ADAM32: variants seen among roughly 807,000 people sequenced by gnomAD.
ADAM32 encodes the protein ADAM metallopeptidase domain 32.
In ADAM32, 89 loss-of-function variants were observed where a neutral mutation model predicts 114.9. That is an observed-to-expected ratio of 0.77 (90% CI 0.65 to 0.92). The LOEUF (loss-of-function observed/expected upper bound fraction) is 0.92. ADAM32 is among the 40% of genes least tolerant of loss of function. The pLI is 0.00. For missense variants in ADAM32, 870 were observed against 932.8 expected, an observed-to-expected ratio of 0.93 and a Z score of 0.88; for synonymous variants, 285 against 307.5, an observed-to-expected ratio of 0.93 and a Z score of 0.77.
intron 9 of ADAM32, chr8:39,169,314 G>A (rs1805049901): frequency 6.6e-6 from 1 of 152,258 alleles, no homozygotes; most frequent in Admixed American, 6.5e-5. Flanking sequence ...ATGCTACCTT[G>A]AGAGAGTTAC....
In ADAM32 at chr8:39,151,463, A is replaced by C; in HGVS notation, c.440A>C (p.Lys147Thr). 1 of 1,606,466 alleles carries C rather than the reference A, an allele frequency of 6.2e-7. No homozygotes were observed. Among genetic ancestry groups the C allele is most frequent in the Non-Finnish European group, 8.5e-7 (1 of 1,177,644 alleles). Residue 147 changes from lysine to threonine, a missense_variant, in exon 6 of 25, where the codon AAG becomes ACG. Transcript: ENST00000379907. ...TTTCAGCATGTTCTTTACAAATTAA[A>C]GAATGAAGACAATGATATTGCAATT... ...VEFQHVLYKL[K>T]NEDNDIAIFI...
chr8:39,265,793 C>T (rs1050290312), intron 19 of ADAM32, among the ~76,000 whole-genome samples: 8 of 152,152 alleles, frequency 5.3e-5, no homozygotes, highest in African/African-American at 1.9e-4. Context: ...TTTGTGGTGG[C>T]AGGTAATGAT....
chr8:39,164,411 A>G (rs1585434098), intron 7 of ADAM32, among the ~76,000 whole-genome samples: 1 of 152,226 alleles, frequency 6.6e-6, no homozygotes, highest in African/African-American at 2.4e-5. Flanking sequence ...GTTTTTAGCT[A>G]TTATGAGTAA....
chr8:39,194,720 G>A (rs1806842510), intron 11 of ADAM32, among the ~76,000 whole-genome samples: 1 of 152,172 alleles, frequency 6.6e-6, no homozygotes, highest in South Asian at 2.1e-4. Context: ...AGTTAGAGGG[G>A]TGCTCAGGTC....
intron 23 of ADAM32, 97 bp from the exon 24 acceptor site, chr8:39,283,489 C>A (rs887665140): frequency 1.9e-5 from 16 of 860,170 alleles, no homozygotes; most frequent in Admixed American, 3.5e-5. Context: ...CAACTTTGAA[C>A]GGAAAGAGGA....
chr8:39,107,992 A>C, intron 1 of ADAM32, 159 bp downstream of exon 1: 2 of 986,396 alleles, frequency 2.0e-6, no homozygotes, highest in East Asian at 2.9e-5. Flanking sequence ...CGGATGGAGA[A>C]GCGACTCAGG....
intron 14 of ADAM32, 151 bp from the exon 15 acceptor site, chr8:39,231,876 C>T (rs1437454337): frequency 7.7e-6 from 5 of 651,812 alleles, no homozygotes; most frequent in Non-Finnish European, 1.0e-5. Flanking sequence ...TTGCCTTTCA[C>T]TTTACTTTTT....
intron 16 of ADAM32, among the ~76,000 whole-genome samples, chr8:39,236,303 A>G (rs935358677): frequency 6.6e-6 from 1 of 152,122 alleles, no homozygotes; most frequent in Non-Finnish European, 1.5e-5. Context: ...TTACTATGTA[A>G]AACTTTTGTA....
At chr8:39,265,365 CCTTTA>C (rs1812287410) in intron 19 of ADAM32, among the ~76,000 whole-genome samples, 1 of 152,038 alleles carries the variant, frequency 6.6e-6, no homozygotes. Context: ...TTTCTCCTTC[CCTTTA>C]CTTTGAGCTT....
chr8:39,198,069 A>G (rs1015044415), intron 11 of ADAM32, among the ~76,000 whole-genome samples: 4 of 151,946 alleles, frequency 2.6e-5, no homozygotes, highest in Non-Finnish European at 5.9e-5. Flanking sequence ...TCATTATATA[A>G]TGACTTGGTT....
intron 14 of ADAM32, among the ~76,000 whole-genome samples, chr8:39,227,346 C>A (rs1276058060): frequency 6.6e-6 from 1 of 152,142 alleles, no homozygotes; most frequent in Non-Finnish European, 1.5e-5. Context: ...GTAGATGAAG[C>A]AGGAGAAAGA....
At position 39,123,927 on chromosome 8, in the gene ADAM32, G is replaced by C. The variant is rs546196227; in HGVS notation, c.138+5762G>C. ...TCGCCATGTTGGCCAGGCTGGTCTT[G>C]ATGTCCTGACCTCAGGTGATCCACC... On this transcript the variant is annotated intron_variant, in intron 2 of 24. Coordinates refer to ENST00000379907, the MANE Select transcript of ADAM32 (RefSeq NM_145004.7). Among the ~76,000 whole-genome samples, 15 of 151,596 alleles carry C rather than the reference G, an allele frequency of 9.9e-5. No individual in the cohort carries two copies. The East Asian group carries it at 2.7e-3, about 27-fold the overall frequency.
At chr8:39,134,138 G>C (rs1042562867) in intron 2 of ADAM32, among the ~76,000 whole-genome samples, 9 of 152,148 alleles carry the variant, frequency 5.9e-5, no homozygotes, top group Non-Finnish European at 1.2e-4. Flanking sequence ...GTGGACATGG[G>C]GGGATGTCAG....
chr8:39,146,758 T>A (rs1319801771), intron 3 of ADAM32, among the ~76,000 whole-genome samples: 1 of 152,194 alleles, frequency 6.6e-6, no homozygotes, highest in Non-Finnish European at 1.5e-5. Context: ...CTTTTTTTCT[T>A]AAAAGGAGTC....
intron 2 of ADAM32, among the ~76,000 whole-genome samples, chr8:39,121,810 G>C (rs2129444465): frequency 6.6e-6 from 1 of 152,216 alleles, no homozygotes; most frequent in South Asian, 2.1e-4. Context: ...CCGCTTTACA[G>C]AGCTGAGGGG....
rs1394810030 is a variant in ADAM32, at chr8:39,149,816, T to C, written c.302T>C (p.Ile101Thr). 1.2e-6 allele frequency: 2 copies of C among 1,611,946 alleles called. No individual in the cohort carries two copies. The highest frequency in any genetic ancestry group is 1.1e-5 in the South Asian group (1 of 90,720). The part of the protein sequence containing the change: ...IQTQCYYQGN[I>T]EGYPDSMVTL... Reference sequence around the variant, plus strand: ...ACTCAATGCTACTATCAAGGAAATATTGAAGGATATCCAGATTCCATGGTC... The same window carrying C: ...ACTCAATGCTACTATCAAGGAAATACTGAAGGATATCCAGATTCCATGGTC... Residue 101 changes from isoleucine (I) to threonine (T), a missense_variant, in exon 5 of 25, where the codon ATT (isoleucine) becomes ACT (threonine). Transcript: ENST00000379907.
At chr8:39,172,904 T>C (rs1805285573) in intron 10 of ADAM32, among the ~76,000 whole-genome samples, 1 of 152,236 alleles carries the variant, frequency 6.6e-6, no homozygotes, top group Non-Finnish European at 1.5e-5. Flanking sequence ...TCTAGGTCTT[T>C]GAGGAATTGC....
chr8:39,262,052 C>T (rs1812064988), intron 19 of ADAM32, among the ~76,000 whole-genome samples: 1 of 151,784 alleles, frequency 6.6e-6, no homozygotes, highest in African/African-American at 2.4e-5. Context: ...TGATATAATC[C>T]CATTTGTTTA....
At chr8:39,274,949 GTCCTTA>G (rs780671992) in intron 21 of ADAM32, among the ~76,000 whole-genome samples, 2 of 152,190 alleles carry the variant, frequency 1.3e-5, no homozygotes, top group Non-Finnish European at 2.9e-5. Flanking sequence ...ATGGAGTGGT[GTCCTTA>G]TCCTATACGT....
Sources: allele counts gnomAD v4.1 joint callset (sites outside exome capture counted in the v4.1 genomes callset), GRCh38; gene constraint gnomAD v4.1.1; transcripts MANE v1.5; gene names NCBI Gene and HGNC (gene_info 2026-07-23, HGNC 2026-07-21).